The following ZNF33B variants were observed in gnomAD, a reference collection of about 807,000 sequenced individuals.
ZNF33B encodes the protein zinc finger protein 11b (KOX 2).
ZNF33B carries 29 observed loss-of-function variants against 45.8 expected under a neutral mutation model. That is an observed-to-expected ratio of 0.63 (90% CI 0.47 to 0.86). The LOEUF (loss-of-function observed/expected upper bound fraction) is 0.86. Among genes scored for constraint, ZNF33B ranks in the 40% least tolerant of loss-of-function variants. The pLI is 0.00. For synonymous variants in ZNF33B, 305 were observed against 307.8 expected (o/e 0.99, Z 0.10); for missense variants, 831 against 909.9 (o/e 0.91, Z 1.12).
chr10:42,630,643 C>G (rs180771576), intron 4 of ZNF33B, among the ~76,000 whole-genome samples: 3 of 152,270 alleles, frequency 2.0e-5, no homozygotes, highest in African/African-American at 7.2e-5. Flanking sequence ...TCCCTCCTGC[C>G]TTCCGGCTTT....
chr10:42,632,503 T>C, intron 2 of ZNF33B, 64 bp from the exon 3 acceptor site: 5 of 1,558,864 alleles, frequency 3.2e-6, no homozygotes, highest in Non-Finnish European at 4.3e-6. Context: ...CCATGATTAT[T>C]ATTCACAGAA....
chr10:42,627,180 T>C (rs1382695221), intron 4 of ZNF33B, among the ~76,000 whole-genome samples: 1 of 152,146 alleles, frequency 6.6e-6, no homozygotes, highest in East Asian at 1.9e-4. Context: ...ATTTTTGTAT[T>C]TTTAGAAGAG....
At chr10:42,601,622 T>C (rs158368) in intron 4 of ZNF33B, among the ~76,000 whole-genome samples, 1 of 151,512 alleles carries the variant, frequency 6.6e-6, no homozygotes, top group Admixed American at 6.6e-5. Context: ...TACAGGTGCC[T>C]GCCACCACAC....
In ZNF33B at chr10:42,592,241, C is replaced by A. The variant is rs1198774172; in HGVS notation, c.*372G>T. 7.7e-6 allele frequency: 3 copies of A among 389,162 alleles called. No individual in the cohort carries two copies. The highest frequency in any genetic ancestry group is 6.4e-5 in the African/African-American group (3 of 46,964). 24.1% of individuals were successfully genotyped at this position (389,162 alleles called of 1,614,324 possible). A position where few individuals can be genotyped will look rare whatever the true frequency, so the allele number is the denominator to read the frequency against. On this transcript the variant is annotated 3_prime_UTR_variant, in exon 5 of 5. Transcript: ENST00000359467. ...TTATGGCATCAAACTCAAAACAGAACTTGTCATATTTTATTTCTAAGCAAA... is the reference window on the plus strand; with the variant it reads ...TTATGGCATCAAACTCAAAACAGAAATTGTCATATTTTATTTCTAAGCAAA...
intron 1 of ZNF33B, among the ~76,000 whole-genome samples, chr10:42,577,320 A>G (rs1836762198): frequency 6.6e-6 from 1 of 152,086 alleles, no homozygotes; most frequent in Non-Finnish European, 1.5e-5. Flanking sequence ...AGTCTTTGAC[A>G]GAGTGTGGAA....
At chr10:42,584,993 A>G (rs564169023), downstream of ZNF33B, among the ~76,000 whole-genome samples, 1 of 152,190 alleles carries the variant, frequency 6.6e-6, no homozygotes, top group Non-Finnish European at 1.5e-5. Flanking sequence ...AGGGAGAAGG[A>G]GTCTTTCTCA....
intron 4 of ZNF33B, among the ~76,000 whole-genome samples, chr10:42,610,175 T>C (rs1176873332): frequency 2.6e-5 from 4 of 152,122 alleles, no homozygotes; most frequent in Admixed American, 2.6e-4. Flanking sequence ...TTAAAACTAA[T>C]AAAAGAGTTC....
At chr10:42,600,363 C>A (rs1357433019) in intron 4 of ZNF33B, among the ~76,000 whole-genome samples, 2 of 152,014 alleles carry the variant, frequency 1.3e-5, no homozygotes, top group African/African-American at 4.8e-5. Flanking sequence ...AAATATTTTG[C>A]AAATCTGTTA....
chr10:42,597,431 T>C (rs1837444795), intron 4 of ZNF33B, among the ~76,000 whole-genome samples: 1 of 152,092 alleles, frequency 6.6e-6, no homozygotes, highest in Non-Finnish European at 1.5e-5. Flanking sequence ...CTTTAAATAA[T>C]ACAATAATTA....
At chr10:42,624,944 A>C (rs1838735534) in intron 4 of ZNF33B, among the ~76,000 whole-genome samples, 1 of 152,146 alleles carries the variant, frequency 6.6e-6, no homozygotes, top group Non-Finnish European at 1.5e-5. Flanking sequence ...GGGGAGACTA[A>C]TGTAATAAGC....
chr10:42,584,805 G>A (rs1460570383), downstream of ZNF33B, among the ~76,000 whole-genome samples: 1 of 152,332 alleles, frequency 6.6e-6, no homozygotes, highest in East Asian at 1.9e-4. Flanking sequence ...ACAGGCGTGA[G>A]CCATTGTGCC....
At chr10:42,637,031 G>C in intron 1 of ZNF33B, 59 bp from the exon 2 acceptor site, 2 of 1,566,044 alleles carry the variant, frequency 1.3e-6, no homozygotes, top group Non-Finnish European at 1.8e-6. Flanking sequence ...GCAACTCCCG[G>C]ATTCTTCTGC....
At chr10:42,581,462 CTCAAAAAAA>C in intron 1 of ZNF33B, 2 of 78,856 alleles carry the variant, frequency 2.5e-5, no homozygotes, top group African/African-American at 5.7e-5. Flanking sequence ...GAAAATCTGT[CTCAAAAAAA>C]AAAAAAAAAA....
In ZNF33B at chr10:42,589,886, A is replaced by G. The variant is rs1251995710; in HGVS notation, c.*2727T>C. On this transcript the variant is annotated 3_prime_UTR_variant, in exon 5 of 5. Coordinates refer to ENST00000359467, the MANE Select transcript of ZNF33B (RefSeq NM_006955.3). ...GCCATGTTCCTGATCTTAGTAGGAA[A>G]GCATTTAGTTGGAAACATCAAGGAT... 6.6e-6 allele frequency: 1 copy of G among 152,208 alleles called. No homozygotes were observed. Among genetic ancestry groups the G allele is most frequent in the Non-Finnish European group, 1.5e-5 (1 of 68,046 alleles). The allele number at this position is 152,208 out of a possible 1,614,324, so 9.4% of individuals were successfully genotyped here.
At chr10:42,596,680 T>TA (rs893213901) in intron 4 of ZNF33B, among the ~76,000 whole-genome samples, 2 of 151,978 alleles carry the variant, frequency 1.3e-5, no homozygotes, top group South Asian at 2.1e-4. Context: ...GACATAGCTG[T>TA]AAAAAAAAAT....
intron 4 of ZNF33B, among the ~76,000 whole-genome samples, chr10:42,607,340 TAAAC>T (rs10553396): frequency 0.79 from 116,025 of 147,738 alleles, 45,860 homozygotes; most frequent in East Asian, 0.96. Context: ...TGTGTACACA[TAAAC>T]AAACATAGAG....
chr10:42,575,947 CAATG>C (rs200923004), intron 1 of ZNF33B, among the ~76,000 whole-genome samples: 19,205 of 151,172 alleles, frequency 0.13, 1,542 homozygotes, highest in African/African-American at 0.22. Context: ...GACTGGAGTG[CAATG>C]ACAGGATCTC....
At chr10:42,584,683 G>T (rs1836894964), downstream of ZNF33B, among the ~76,000 whole-genome samples, 2 of 152,128 alleles carry the variant, frequency 1.3e-5, no homozygotes, top group African/African-American at 4.8e-5. Flanking sequence ...ACCATGTCCT[G>T]CTAAATTTTG....
At chr10:42,599,620 T>G (rs1276967679) in intron 4 of ZNF33B, among the ~76,000 whole-genome samples, 1 of 151,958 alleles carries the variant, frequency 6.6e-6, no homozygotes, top group Non-Finnish European at 1.5e-5. Flanking sequence ...TGTGGAAACT[T>G]CATATATGCA....
Sources: gnomAD v4.1 joint callset for allele counts (sites outside exome capture counted in the v4.1 genomes callset) on GRCh38, gnomAD v4.1.1 for gene constraint, MANE v1.5 for transcripts, NCBI Gene and HGNC (gene_info 2026-07-23, HGNC 2026-07-21) for gene names.